The following ADAMTSL1 variants were observed in gnomAD, a reference collection of about 807,000 sequenced individuals.
ADAMTSL1 encodes the protein ADAMTS like 1.
ADAMTSL1 carries 126 observed loss-of-function variants against 201.8 expected under a neutral mutation model. The observed-to-expected ratio is 0.62, with a 90% confidence interval of 0.54 to 0.72. ADAMTSL1 has a LOEUF of 0.72. Ranked by LOEUF, ADAMTSL1 falls within the 30% of genes least tolerant of loss-of-function variation. The pLI is 0.00. For missense variants in ADAMTSL1, 2,679 were observed against 2,277.8 expected, an observed-to-expected ratio of 1.18 and a Z score of -3.59; for synonymous variants, 1,121 against 903.4, an observed-to-expected ratio of 1.24 and a Z score of -4.32.
intron 1 of ADAMTSL1, among the ~76,000 whole-genome samples, chr9:17,987,542 T>G (rs989746046): frequency 6.6e-6 from 1 of 151,852 alleles, no homozygotes; most frequent in Non-Finnish European, 1.5e-5. Context: ...ACTTTTAGTC[T>G]TAGTGTGTTT....
chr9:18,456,497 A>G (rs1209098250), intron 2 of ADAMTSL1, among the ~76,000 whole-genome samples: 1 of 152,206 alleles, frequency 6.6e-6, no homozygotes, highest in African/African-American at 2.4e-5. Context: ...GTGTTATGGG[A>G]ACATAACACC....
chr9:18,182,438 C>G (rs1407857433), intron 2 of ADAMTSL1, among the ~76,000 whole-genome samples: 1 of 152,050 alleles, frequency 6.6e-6, no homozygotes, highest in African/African-American at 2.4e-5. Flanking sequence ...GAAGGGAAAA[C>G]AAAGACTCAA....
chr9:18,413,687 A>C (rs1177547582), intron 2 of ADAMTSL1, among the ~76,000 whole-genome samples: 1 of 152,224 alleles, frequency 6.6e-6, no homozygotes, highest in Non-Finnish European at 1.5e-5. Context: ...AAAAAGTTTC[A>C]ATTACACCAG....
chr9:18,264,537 C>G (rs1454441724), intron 2 of ADAMTSL1, among the ~76,000 whole-genome samples: 1 of 152,126 alleles, frequency 6.6e-6, no homozygotes, highest in Non-Finnish European at 1.5e-5. Flanking sequence ...GCCACAGGCA[C>G]TGCCTCAGGA....
chr9:17,965,181 C>G (rs1468905723), intron 1 of ADAMTSL1, among the ~76,000 whole-genome samples: 1 of 152,122 alleles, frequency 6.6e-6, no homozygotes, highest in East Asian at 1.9e-4. Flanking sequence ...TCTTTTCTAT[C>G]TATTTTCTGG....
chr9:18,113,814 T>C (rs565708204), intron 1 of ADAMTSL1, among the ~76,000 whole-genome samples: 1 of 152,278 alleles, frequency 6.6e-6, no homozygotes, highest in East Asian at 1.9e-4. Context: ...ACTGTGTAAC[T>C]ATTAACTCAG....
intron 2 of ADAMTSL1, among the ~76,000 whole-genome samples, chr9:18,350,897 G>T (rs1339297627): frequency 6.6e-6 from 1 of 152,090 alleles, no homozygotes; most frequent in Non-Finnish European, 1.5e-5. Context: ...AGGAGAAAAG[G>T]TGGCAAGAAC....
At chr9:18,052,721 T>A (rs1345648235) in intron 1 of ADAMTSL1, among the ~76,000 whole-genome samples, 3 of 152,212 alleles carry the variant, frequency 2.0e-5, no homozygotes, top group African/African-American at 7.2e-5. Flanking sequence ...TCATTCTTTT[T>A]TATTTTACTA....
intron 6 of ADAMTSL1, among the ~76,000 whole-genome samples, chr9:18,638,131 A>G (rs1827212835): frequency 6.6e-6 from 1 of 152,028 alleles, no homozygotes; most frequent in South Asian, 2.1e-4. Flanking sequence ...AAGGGAGTGA[A>G]GCCTGGCCTA....
At chr9:18,903,706 C>T (rs10963828) in intron 26 of ADAMTSL1, among the ~76,000 whole-genome samples, 86,118 of 151,672 alleles carry the variant, frequency 0.57, 24,755 homozygotes, top group African/African-American at 0.63. Context: ...CCCTTGGTAT[C>T]CACAGGTGAT....
At chr9:18,284,486 T>C (rs973167675) in intron 2 of ADAMTSL1, among the ~76,000 whole-genome samples, 4 of 152,180 alleles carry the variant, frequency 2.6e-5, no homozygotes, top group African/African-American at 9.6e-5. Context: ...TCATCAGAAT[T>C]ACTTGTATTA....
At chr9:18,029,886 G>C (rs1420716740) in intron 1 of ADAMTSL1, among the ~76,000 whole-genome samples, 6 of 151,996 alleles carry the variant, frequency 3.9e-5, no homozygotes, top group Non-Finnish European at 8.8e-5. Context: ...TCATTAAAAA[G>C]TCAGGAAACA....
chr9:18,088,250 G>A (rs987185708), intron 1 of ADAMTSL1, among the ~76,000 whole-genome samples: 2 of 152,130 alleles, frequency 1.3e-5, no homozygotes, highest in African/African-American at 2.4e-5. Context: ...TCAACTTTAA[G>A]TAGATTAAAT....
chr9:18,244,347 T>C (rs1831179599), intron 2 of ADAMTSL1, among the ~76,000 whole-genome samples: 1 of 152,112 alleles, frequency 6.6e-6, no homozygotes. Flanking sequence ...ATTATTCTTC[T>C]GAAAGCACAG....
intron 4 of ADAMTSL1, among the ~76,000 whole-genome samples, chr9:18,584,461 C>G (rs1823346242): frequency 6.6e-6 from 1 of 152,098 alleles, no homozygotes. Flanking sequence ...AGCATGGAAA[C>G]AGACTAATAC....
chr9:18,270,562 A>G (rs990436366), intron 2 of ADAMTSL1, among the ~76,000 whole-genome samples: 1 of 152,222 alleles, frequency 6.6e-6, no homozygotes. Flanking sequence ...AGTATTGCCT[A>G]TATAATGCCT....
At chr9:18,297,895 G>T (rs1353879666) in intron 2 of ADAMTSL1, among the ~76,000 whole-genome samples, 5 of 152,196 alleles carry the variant, frequency 3.3e-5, no homozygotes, top group Admixed American at 3.3e-4. Flanking sequence ...AGGGTCATTT[G>T]GTATCCTTTT....
intron 2 of ADAMTSL1, among the ~76,000 whole-genome samples, chr9:18,410,711 A>G (rs1467123688): frequency 6.6e-6 from 1 of 152,056 alleles, no homozygotes; most frequent in Admixed American, 6.5e-5. Flanking sequence ...TCTTAGAATT[A>G]TTTGCATTCC....
chr9:18,026,544 C>T (rs1423707110), intron 1 of ADAMTSL1, among the ~76,000 whole-genome samples: 1 of 151,858 alleles, frequency 6.6e-6, no homozygotes, highest in Non-Finnish European at 1.5e-5. Context: ...ATTTTATACT[C>T]CAGGAATAAA....
Sources: gnomAD v4.1 joint callset for allele counts (sites outside exome capture counted in the v4.1 genomes callset) on GRCh38, gnomAD v4.1.1 for gene constraint, MANE v1.5 for transcripts, NCBI Gene and HGNC (gene_info 2026-07-23, HGNC 2026-07-21) for gene names.